The following TTC29 variants were observed in gnomAD, a reference collection of about 807,000 sequenced individuals.
TTC29 encodes the protein tetratricopeptide repeat protein 29.
A neutral mutation model predicts 58.1 loss-of-function variants in TTC29; 49 were observed. The observed-to-expected ratio is 0.84, with a 90% CI of 0.67 to 1.07. The LOEUF is 1.07. Among genes scored for constraint, TTC29 ranks in the 50% least tolerant of loss-of-function variants. TTC29 has a pLI of 0.00. For missense variants in TTC29, 582 were observed against 555.6 expected, an observed-to-expected ratio of 1.05 and a Z score of -0.48; for synonymous variants, 209 against 196.8, an observed-to-expected ratio of 1.06 and a Z score of -0.52.
intron 5 of TTC29, 113 bp from the exon 6 acceptor site, chr4:146,903,842 C>T: frequency 3.9e-6 from 3 of 777,140 alleles, no homozygotes; most frequent in Non-Finnish European, 5.4e-6. Flanking sequence ...GATGTGATTA[C>T]CAATTTTAAA....
chr4:146,861,133 A>G (rs1192296481), intron 8 of TTC29, among the ~76,000 whole-genome samples: 1 of 152,188 alleles, frequency 6.6e-6, no homozygotes, highest in African/African-American at 2.4e-5. Context: ...GAATTGATAT[A>G]TTTAGGGAGA....
At chr4:146,731,001 G>A (rs1359071546) in intron 11 of TTC29, among the ~76,000 whole-genome samples, 2 of 152,190 alleles carry the variant, frequency 1.3e-5, no homozygotes, top group Non-Finnish European at 2.9e-5. Context: ...CTATGCTGAT[G>A]AGAATGATCT....
At chr4:146,926,306 G>A (rs192313481) in intron 4 of TTC29, among the ~76,000 whole-genome samples, 4 of 152,060 alleles carry the variant, frequency 2.6e-5, no homozygotes, top group East Asian at 1.9e-4. Context: ...GTAGTCCTTC[G>A]CATCTTCCTT....
intron 9 of TTC29, among the ~76,000 whole-genome samples, chr4:146,826,935 G>GTTT (rs978523128): frequency 6.6e-6 from 1 of 151,652 alleles, no homozygotes; most frequent in Non-Finnish European, 1.5e-5. Context: ...CTCATGCTGT[G>GTTT]TTTTTCAGCT....
intron 5 of TTC29, among the ~76,000 whole-genome samples, chr4:146,904,798 C>A (rs1733413230): frequency 6.6e-6 from 1 of 152,000 alleles, no homozygotes; most frequent in African/African-American, 2.4e-5. Context: ...AAATATTGCC[C>A]ACTAGGACAC....
At chr4:146,710,928 C>A (rs1742444938) in intron 11 of TTC29, among the ~76,000 whole-genome samples, 1 of 151,856 alleles carries the variant, frequency 6.6e-6, no homozygotes, top group African/African-American at 2.4e-5. Flanking sequence ...TTTTTGAAAA[C>A]AATGGAATAT....
intron 11 of TTC29, among the ~76,000 whole-genome samples, chr4:146,773,851 C>CACAGATATATAA (rs1747902289): frequency 4.0e-5 from 6 of 151,594 alleles, no homozygotes; most frequent in Non-Finnish European, 8.8e-5. Flanking sequence ...TGGTAGAATT[C>CACAGATATATAA]AGCTGTGAAT....
intron 8 of TTC29, among the ~76,000 whole-genome samples, chr4:146,855,471 C>T (rs1343012892): frequency 6.6e-6 from 1 of 151,712 alleles, no homozygotes; most frequent in African/African-American, 2.4e-5. Context: ...AGAGGACAGT[C>T]GTGGGAAAAA....
chr4:146,851,988 T>A (rs528623255), intron 8 of TTC29, among the ~76,000 whole-genome samples: 13 of 152,240 alleles, frequency 8.5e-5, no homozygotes, highest in Admixed American at 6.5e-4. Flanking sequence ...CAGACTGGAG[T>A]GCAGTGGCAT....
intron 8 of TTC29, among the ~76,000 whole-genome samples, chr4:146,840,507 G>T (rs1728788063): frequency 6.6e-6 from 1 of 152,030 alleles, no homozygotes; most frequent in African/African-American, 2.4e-5. Context: ...ATTATATAGT[G>T]CTGTAAGTCT....
intron 11 of TTC29, among the ~76,000 whole-genome samples, chr4:146,801,096 C>A (rs569407643): frequency 6.6e-6 from 1 of 152,046 alleles, no homozygotes; most frequent in African/African-American, 2.4e-5. Flanking sequence ...GGGGGAGTGG[C>A]AGAGGACAGG....
chr4:146,712,819 AAG>A (rs1742609199), intron 11 of TTC29, among the ~76,000 whole-genome samples: 1 of 152,048 alleles, frequency 6.6e-6, no homozygotes, highest in Admixed American at 6.6e-5. Flanking sequence ...ATTCAGGGTA[AAG>A]AGAGAGGATG....
At chr4:146,813,060 C>T (rs1490316060) in intron 10 of TTC29, 1 of 152,166 alleles carries the variant, frequency 6.6e-6, no homozygotes, top group Non-Finnish European at 1.5e-5. Flanking sequence ...ATCTTGATGA[C>T]ATCATAGACC....
intron 10 of TTC29, among the ~76,000 whole-genome samples, chr4:146,804,622 G>A (rs536355086): frequency 1.3e-5 from 2 of 152,236 alleles, no homozygotes; most frequent in Non-Finnish European, 2.9e-5. Context: ...CCTCTGGGAA[G>A]TTCCAACTGG....
intron 11 of TTC29, among the ~76,000 whole-genome samples, chr4:146,793,696 C>T (rs2150106261): frequency 6.6e-6 from 1 of 151,886 alleles, no homozygotes; most frequent in African/African-American, 2.4e-5. Flanking sequence ...TAGGAGAGGC[C>T]CTGAAGAAAA....
chr4:146,733,589 T>C (rs1245608530), intron 11 of TTC29, among the ~76,000 whole-genome samples: 1 of 152,176 alleles, frequency 6.6e-6, no homozygotes, highest in Non-Finnish European at 1.5e-5. Flanking sequence ...TATGTTAGTG[T>C]GTTGTCTGGC....
chr4:146,784,402 T>C (rs889575590), intron 11 of TTC29, among the ~76,000 whole-genome samples: 1 of 152,124 alleles, frequency 6.6e-6, no homozygotes, highest in African/African-American at 2.4e-5. Flanking sequence ...CACCTACTCC[T>C]TGTGGCCTTT....
chr4:146,713,476 A>G (rs573726185), intron 11 of TTC29, among the ~76,000 whole-genome samples: 5 of 152,258 alleles, frequency 3.3e-5, no homozygotes, highest in South Asian at 2.1e-4. Context: ...TAACAAAACA[A>G]AAAGTTAATC....
At chr4:146,741,206 G>T (rs1393707787) in intron 11 of TTC29, among the ~76,000 whole-genome samples, 1 of 152,102 alleles carries the variant, frequency 6.6e-6, no homozygotes, top group African/African-American at 2.4e-5. Flanking sequence ...TTAGATCCAG[G>T]GTGTGAAATT....
Sources: allele counts gnomAD v4.1 joint callset (sites outside exome capture counted in the v4.1 genomes callset), GRCh38; gene constraint gnomAD v4.1.1; transcripts MANE v1.5; gene names NCBI Gene and HGNC (gene_info 2026-07-23, HGNC 2026-07-21).